PCDHA8: variants seen among roughly 807,000 people sequenced by gnomAD.
PCDHA8 encodes the protein protocadherin alpha 8, also known as protocadherin alpha-8.
In PCDHA8, 53 loss-of-function variants were observed where a neutral mutation model predicts 61.8. That is an observed-to-expected ratio of 0.86 (90% confidence interval 0.69 to 1.08). The LOEUF (loss-of-function observed/expected upper bound fraction) is 1.08, where lower values mean the gene tolerates loss of function less well. Ranked by LOEUF, PCDHA8 falls within the 50% of genes least tolerant of loss-of-function variation. The pLI is 0.00. For missense variants in PCDHA8, 1,293 were observed against 1,245.0 expected, an observed-to-expected ratio of 1.04 and a Z score of -0.58; for synonymous variants, 618 against 556.6, an observed-to-expected ratio of 1.11 and a Z score of -1.55.
chr5:140,863,356 C>T (rs1554158132), intron 1 of PCDHA8: 1 of 1,255,152 alleles, frequency 8.0e-7, no homozygotes, highest in Non-Finnish European at 1.1e-6. Flanking sequence ...CACGACGCTG[C>T]GGTGCTTGGC....
chr5:140,845,658 T>C (rs1779972804), intron 1 of PCDHA8, among the ~76,000 whole-genome samples: 2 of 149,686 alleles, frequency 1.3e-5, no homozygotes, highest in South Asian at 4.2e-4. Context: ...CCAATTTTTG[T>C]ATGTGTAGCC....
intron 1 of PCDHA8, among the ~76,000 whole-genome samples, chr5:140,878,322 T>C (rs2057540228): frequency 6.6e-6 from 1 of 152,228 alleles, no homozygotes; most frequent in Non-Finnish European, 1.5e-5. Context: ...CATTTTCACA[T>C]TATATTCCAG....
intron 1 of PCDHA8, chr5:140,883,340 C>T (rs2059560429): frequency 6.2e-7 from 1 of 1,614,140 alleles, no homozygotes; most frequent in Non-Finnish European, 8.5e-7. Flanking sequence ...TTTGTCACTC[C>T]CCATCAGAGA....
At chr5:140,967,331 C>T (rs2096128497) in intron 1 of PCDHA8, 1 of 1,608,078 alleles carries the variant, frequency 6.2e-7, no homozygotes, top group African/African-American at 1.3e-5. Context: ...CGAGCTCAGC[C>T]CCAGCGAGCA....
chr5:140,892,061 T>C (rs1445819046), intron 1 of PCDHA8, among the ~76,000 whole-genome samples: 1 of 152,254 alleles, frequency 6.6e-6, no homozygotes, highest in Non-Finnish European at 1.5e-5. Context: ...AATTTATTGT[T>C]ACTTTGTATA....
chr5:140,850,339 C>T (rs2150480105), intron 1 of PCDHA8: 3 of 1,597,742 alleles, frequency 1.9e-6, no homozygotes, highest in East Asian at 2.2e-5. Flanking sequence ...CAGCCAGAAA[C>T]GGCCAGCGCG....
At chr5:140,853,663 T>C (rs1278843204) in intron 1 of PCDHA8, 2 of 988,324 alleles carry the variant, frequency 2.0e-6, no homozygotes, top group South Asian at 4.7e-5. Context: ...CCAGACAAAT[T>C]GGGGCCTATG....
At chr5:140,847,137 TA>T (rs1554141666) in intron 1 of PCDHA8, among the ~76,000 whole-genome samples, 1 of 149,712 alleles carries the variant, frequency 6.7e-6, no homozygotes, top group Non-Finnish European at 1.5e-5. Context: ...AAAACCAATG[TA>T]AGAAGATCTC....
At chr5:140,856,690 T>G (rs1368181199) in intron 1 of PCDHA8, 2 of 1,597,086 alleles carry the variant, frequency 1.3e-6, no homozygotes, top group African/African-American at 2.7e-5. Context: ...TGACAGCAAC[T>G]GATGGAGGCA....
chr5:140,856,809 A>G lies in PCDHA8; in HGVS notation c.2394+13094A>G, dbSNP rs782118456. 11 of 1,594,544 alleles carry G rather than the reference A, an allele frequency of 6.9e-6. No homozygotes were observed. The African/African-American group carries it at 1.3e-4, about 20-fold the overall frequency. ...TATGAAGTTAAGATGTATGAAAATCAAGTGAACCAAACATTAGTAATACGG... is the reference window on the plus strand; with the variant it reads ...TATGAAGTTAAGATGTATGAAAATCGAGTGAACCAAACATTAGTAATACGG... On this transcript the variant is annotated intron_variant, in intron 1 of 3. Coordinates refer to ENST00000531613, the MANE Select transcript of PCDHA8 (RefSeq NM_018911.3).
chr5:140,929,522 T>G, intron 1 of PCDHA8: 1 of 727,900 alleles, frequency 1.4e-6, no homozygotes. Context: ...GACTTATAGT[T>G]TATTTTTGAG....
intron 1 of PCDHA8, among the ~76,000 whole-genome samples, chr5:140,946,635 A>G (rs2094003182): frequency 1.6e-5 from 1 of 62,812 alleles, no homozygotes; most frequent in Admixed American, 1.5e-4. Flanking sequence ...TATATATACA[A>G]TGGAATACTC....
At chr5:140,857,067 T>G (rs1245365064) in intron 1 of PCDHA8, 2 of 1,596,142 alleles carry the variant, frequency 1.3e-6, no homozygotes, top group East Asian at 2.2e-5. Context: ...GTGGAACTAC[T>G]GGATGAAAAT....
At chr5:140,997,918 A>G (rs2097790482) in intron 3 of PCDHA8, among the ~76,000 whole-genome samples, 1 of 152,220 alleles carries the variant, frequency 6.6e-6, no homozygotes, top group South Asian at 2.1e-4. Context: ...TTACAGAATC[A>G]TAGGATATAA....
chr5:140,988,622 ATGTCCTGGTTTTC>A (rs2097306090), intron 3 of PCDHA8, among the ~76,000 whole-genome samples: 1 of 152,124 alleles, frequency 6.6e-6, no homozygotes, highest in Non-Finnish European at 1.5e-5. Context: ...TAGAATGGAG[ATGTCCTGGTTTTC>A]TGAAATTAAA....
At chr5:140,928,625 A>C in intron 1 of PCDHA8, 1 of 1,614,224 alleles carries the variant, frequency 6.2e-7, no homozygotes, top group Non-Finnish European at 8.5e-7. Flanking sequence ...AGGACTGGAC[A>C]CTTGGTCACA....
chr5:140,883,712 G>A lies in PCDHA8; in HGVS notation c.2394+39997G>A, dbSNP rs372048294. On this transcript the variant is annotated intron_variant, in intron 1 of 3. Transcript: ENST00000531613. ...CATCTTCACGGTGTCTGCTCAGGAC[G>A]CGGACGCACAGGAGAACGCGCTGGT... 1.6e-5 allele frequency: 26 copies of A among 1,613,658 alleles called. No homozygotes were observed. The highest frequency in any genetic ancestry group is 2.2e-5 in the East Asian group (1 of 44,880).
intron 1 of PCDHA8, among the ~76,000 whole-genome samples, chr5:140,911,001 C>T (rs543025308): frequency 1.3e-5 from 2 of 152,220 alleles, no homozygotes; most frequent in African/African-American, 4.8e-5. Context: ...CCCCTAGGGC[C>T]CTCCTGGGAC....
chr5:140,993,446 TCTC>T (rs1262965335), intron 3 of PCDHA8, among the ~76,000 whole-genome samples: 4 of 146,376 alleles, frequency 2.7e-5, no homozygotes, highest in Non-Finnish European at 6.0e-5. Flanking sequence ...TCATTCCTGT[TCTC>T]CTTCTTTCTT....
Sources: gnomAD v4.1 joint callset for allele counts (sites outside exome capture counted in the v4.1 genomes callset) on GRCh38, gnomAD v4.1.1 for gene constraint, MANE v1.5 for transcripts, NCBI Gene and HGNC (gene_info 2026-07-23, HGNC 2026-07-21) for gene names.